Variants in TAPT1 observed in about 807,000 individuals in gnomAD.
The protein encoded by TAPT1 is transmembrane anterior posterior transformation 1, also known as transmembrane anterior posterior transformation protein 1 homolog.
A neutral mutation model predicts 65.6 loss-of-function variants in TAPT1; 28 were observed. The ratio of observed to expected loss-of-function variants is 0.43; its 90% CI spans 0.32 to 0.59. The LOEUF is 0.59. TAPT1 is among the 20% of genes least tolerant of loss of function. The pLI is 0.09. For synonymous variants in TAPT1, 278 were observed against 245.2 expected, an observed-to-expected ratio of 1.13 and a Z score of -1.25; for missense variants, 563 against 679.9, an observed-to-expected ratio of 0.83 and a Z score of 1.91.
At chr4:16,220,297 T>C (rs1263875741) in intron 1 of TAPT1, among the ~76,000 whole-genome samples, 1 of 152,230 alleles carries the variant, frequency 6.6e-6, no homozygotes, top group Non-Finnish European at 1.5e-5. Context: ...TTTGCAGTAT[T>C]TCATTCCTTC....
At chr4:16,194,875 T>TGATTTCCCCC (rs1749602623) in intron 3 of TAPT1, among the ~76,000 whole-genome samples, 1 of 101,456 alleles carries the variant, frequency 9.9e-6, no homozygotes, top group African/African-American at 3.0e-5. Flanking sequence ...TTCTTCTTCT[T>TGATTTCCCCC]CTTCTTCTTC....
At chr4:16,174,488 T>C (rs1391979117) in intron 10 of TAPT1, 182 bp downstream of exon 10, 1 of 672,752 alleles carries the variant, frequency 1.5e-6, no homozygotes, top group Admixed American at 3.2e-5. Flanking sequence ...ATATACTACT[T>C]AATGTTAAGT....
At chr4:16,199,201 G>A (rs1410522994) in intron 3 of TAPT1, among the ~76,000 whole-genome samples, 1 of 152,052 alleles carries the variant, frequency 6.6e-6, no homozygotes, top group African/African-American at 2.4e-5. Flanking sequence ...TGCATTTCAT[G>A]TTTTTATACA....
intron 5 of TAPT1, 32 bp downstream of exon 5, chr4:16,188,188 G>C (rs1294503174): frequency 3.2e-6 from 5 of 1,565,594 alleles, no homozygotes; most frequent in African/African-American, 2.8e-5. Flanking sequence ...TGCATTAACT[G>C]TCGGAAATTT....
chr4:16,226,689 G>A (rs1751597547), upstream of TAPT1: 2 of 161,360 alleles, frequency 1.2e-5, no homozygotes, highest in Non-Finnish European at 1.3e-5. Flanking sequence ...CGCCGTGGCG[G>A]GCGACGGTTT....
At chr4:16,210,067 G>A (rs998225401) in intron 2 of TAPT1, among the ~76,000 whole-genome samples, 2 of 152,154 alleles carry the variant, frequency 1.3e-5, no homozygotes, top group African/African-American at 4.8e-5. Flanking sequence ...GACTCTATAG[G>A]GCTTGGCAGA....
chr4:16,183,380 T>C (rs948179496), intron 7 of TAPT1, among the ~76,000 whole-genome samples: 5 of 152,198 alleles, frequency 3.3e-5, no homozygotes, highest in Non-Finnish European at 7.4e-5. Context: ...TAGACTGATA[T>C]GCATACCTGA....
intron 8 of TAPT1, among the ~76,000 whole-genome samples, chr4:16,177,139 AT>A (rs1293749852): frequency 6.6e-6 from 1 of 152,264 alleles, no homozygotes; most frequent in Non-Finnish European, 1.5e-5. Context: ...GAAGAGAAGA[AT>A]TTGACTGGTT....
intron 2 of TAPT1, among the ~76,000 whole-genome samples, chr4:16,210,300 G>A (rs75620305): frequency 0.014 from 2,188 of 152,240 alleles, 63 homozygotes; most frequent in African/African-American, 0.05. Flanking sequence ...AGCAAAGCAG[G>A]GAGATTAAAA....
intron 10 of TAPT1, 63 bp downstream of exon 10, chr4:16,174,604 CATT>C: frequency 3.7e-6 from 5 of 1,356,316 alleles, no homozygotes; most frequent in South Asian, 2.7e-5. Context: ...CTAAATTAAT[CATT>C]ATTCAGTTAA....
At chr4:16,211,598 C>CTT (rs1279730310) in intron 2 of TAPT1, among the ~76,000 whole-genome samples, 1 of 152,140 alleles carries the variant, frequency 6.6e-6, no homozygotes, top group Non-Finnish European at 1.5e-5. Flanking sequence ...CCCAAACAGG[C>CTT]CTAAAGCCTC....
intron 6 of TAPT1, 50 bp downstream of exon 6, chr4:16,186,731 G>A: frequency 6.9e-7 from 1 of 1,451,884 alleles, no homozygotes; most frequent in Non-Finnish European, 9.6e-7. Context: ...GAGTATTGCA[G>A]CTGAAATGCC....
intron 8 of TAPT1, among the ~76,000 whole-genome samples, chr4:16,177,489 C>T (rs916524898): frequency 2.6e-5 from 4 of 152,162 alleles, no homozygotes; most frequent in African/African-American, 7.2e-5. Context: ...ACAGTGTAGA[C>T]AGCTTCTGTG....
intron 1 of TAPT1, among the ~76,000 whole-genome samples, chr4:16,216,371 T>C (rs536209001): frequency 7.2e-5 from 11 of 152,342 alleles, no homozygotes; most frequent in African/African-American, 2.4e-4. Flanking sequence ...CTACTCTGTT[T>C]CCTACACATG....
intron 3 of TAPT1, among the ~76,000 whole-genome samples, chr4:16,200,677 T>C (rs1749976833): frequency 6.6e-6 from 1 of 152,244 alleles, no homozygotes; most frequent in Non-Finnish European, 1.5e-5. Flanking sequence ...TAAATTTCCA[T>C]GTTTCTATTC....
chr4:16,180,110 C>G (rs1020578618), intron 7 of TAPT1, among the ~76,000 whole-genome samples: 25 of 152,124 alleles, frequency 1.6e-4, no homozygotes, highest in African/African-American at 6.0e-4. Flanking sequence ...TACACAATTA[C>G]TGAACTGATG....
chr4:16,173,668 A>G (rs1748148929), intron 11 of TAPT1, among the ~76,000 whole-genome samples: 1 of 152,256 alleles, frequency 6.6e-6, no homozygotes. Context: ...TGGGCATACC[A>G]TAATTTTTTA....
chr4:16,174,053 G>A, intron 11 of TAPT1, 151 bp downstream of exon 11: 1 of 625,802 alleles, frequency 1.6e-6, no homozygotes. Context: ...ATAAGCTACT[G>A]CTATAATTTA....
intron 2 of TAPT1, among the ~76,000 whole-genome samples, chr4:16,210,987 A>G (rs1055915708): frequency 6.6e-6 from 1 of 152,164 alleles, no homozygotes; most frequent in Non-Finnish European, 1.5e-5. Context: ...ATTCATTTTT[A>G]CTAAATGTCA....
Sources: gnomAD v4.1 joint callset for allele counts (sites outside exome capture counted in the v4.1 genomes callset) on GRCh38, gnomAD v4.1.1 for gene constraint, MANE v1.5 for transcripts, NCBI Gene and HGNC (gene_info 2026-07-23, HGNC 2026-07-21) for gene names.